Variants in HIVEP1 observed in about 807,000 individuals in gnomAD.
The protein encoded by HIVEP1 is zinc finger protein 40.
In HIVEP1, 36 loss-of-function variants were observed where a neutral mutation model predicts 180.0. The ratio of observed to expected loss-of-function variants is 0.20; its 90% confidence interval spans 0.15 to 0.26. HIVEP1 has a LOEUF of 0.26. Ranked by LOEUF, HIVEP1 falls within the 10% of genes least tolerant of loss-of-function variation. The pLI, the probability that HIVEP1 is intolerant of heterozygous loss-of-function variation, is 1.00. For synonymous variants in HIVEP1, 1,239 were observed against 1,239.0 expected (o/e 1.00, Z 0.00); for missense variants, 3,143 against 3,268.7 (o/e 0.96, Z 0.94).
At chr6:12,031,375 T>C (rs1400784695) in intron 2 of HIVEP1, among the ~76,000 whole-genome samples, 1 of 152,188 alleles carries the variant, frequency 6.6e-6, no homozygotes, top group Non-Finnish European at 1.5e-5. Context: ...TGTGGAGAGT[T>C]TACCCAGCAC....
intron 2 of HIVEP1, among the ~76,000 whole-genome samples, chr6:12,029,509 TC>T (rs1290743606): frequency 6.6e-6 from 1 of 152,238 alleles, no homozygotes; most frequent in Non-Finnish European, 1.5e-5. Flanking sequence ...CCTCTGTACT[TC>T]CTTAATTGCC....
intron 2 of HIVEP1, among the ~76,000 whole-genome samples, chr6:12,080,040 G>T (rs138584461): frequency 1.3e-5 from 2 of 151,964 alleles, no homozygotes; most frequent in East Asian, 3.9e-4. Flanking sequence ...ATTAATAAAT[G>T]AGTTAAATCT....
intron 7 of HIVEP1, among the ~76,000 whole-genome samples, chr6:12,145,702 A>G (rs1428017528): frequency 1.3e-5 from 2 of 151,966 alleles, no homozygotes; most frequent in Non-Finnish European, 2.9e-5. Flanking sequence ...TACGCCCTTT[A>G]TTCTGTTTTC....
chr6:12,106,503 CGAA>C (rs1165111385), intron 3 of HIVEP1, among the ~76,000 whole-genome samples: 6 of 151,924 alleles, frequency 3.9e-5, no homozygotes, highest in Middle Eastern at 6.8e-3. Flanking sequence ...TAATATTAGT[CGAA>C]GAATATTTTC....
chr6:12,085,496 T>C (rs1439906738), intron 2 of HIVEP1, among the ~76,000 whole-genome samples: 1 of 152,172 alleles, frequency 6.6e-6, no homozygotes, highest in African/African-American at 2.4e-5. Context: ...CAAATTGATA[T>C]TAAAATGATT....
downstream of HIVEP1, among the ~76,000 whole-genome samples, chr6:12,168,055 GTA>G (rs1760781282): frequency 1.2e-4 from 1 of 8,384 alleles, no homozygotes; most frequent in Admixed American, 1.5e-3. Context: ...ATACATATGT[GTA>G]TATATACATA....
Position 12,125,808 on chromosome 6 carries a change from A to G in HIVEP1, c.6013A>G (p.Thr2005Ala), listed in dbSNP as rs1561978375. ...AAAATCACTATACTGTCAAGCAATA[A>G]CTACCCATTCCAAGTCAGACTTATT... is the stretch of plus-strand genomic sequence containing the variant. Reference protein sequence around the residue: ...TGKSLYCQAITTHSKSDLLVY... With the variant: ...TGKSLYCQAIATHSKSDLLVY... The change falls in exon 4 of 9, where the codon ACT becomes GCT. Residue 2005 changes from threonine (T) to alanine (A), a missense_variant. Thr to Ala is a moderately conservative substitution (Grantham distance 58). This residue lies in a region of HIVEP1 where 1,357 missense variants were observed against 1,260.5 expected (regional missense o/e 1.08). Coordinates refer to ENST00000379388, the MANE Select transcript of HIVEP1 (RefSeq NM_002114.4). 1.2e-6 allele frequency: 2 copies of G among 1,613,852 alleles called. No individual in the cohort carries two copies.
intron 2 of HIVEP1, among the ~76,000 whole-genome samples, chr6:12,050,270 C>T (rs2113713059): frequency 6.6e-6 from 1 of 152,294 alleles, no homozygotes; most frequent in African/African-American, 2.4e-5. Context: ...TTCATGCCTG[C>T]CACACATGGG....
chr6:12,066,510 T>G (rs544810253), intron 2 of HIVEP1, among the ~76,000 whole-genome samples: 109 of 152,368 alleles, frequency 7.2e-4, no homozygotes, highest in African/African-American at 2.5e-3. Context: ...TCCATACATA[T>G]GAAGTTACAA....
intron 3 of HIVEP1, among the ~76,000 whole-genome samples, chr6:12,118,684 AT>A (rs200881108): frequency 1.3e-5 from 2 of 152,134 alleles, no homozygotes; most frequent in African/African-American, 2.4e-5. Flanking sequence ...TAAAGTGGTG[AT>A]TTTTTTTAAA....
At chr6:12,117,465 G>A (rs1437374116) in intron 3 of HIVEP1, among the ~76,000 whole-genome samples, 2 of 152,130 alleles carry the variant, frequency 1.3e-5, no homozygotes, top group Admixed American at 6.5e-5. Flanking sequence ...TGGATCTTAA[G>A]TTTAGCAATT....
At chr6:12,081,911 G>C (rs574213623) in intron 2 of HIVEP1, among the ~76,000 whole-genome samples, 1 of 151,896 alleles carries the variant, frequency 6.6e-6, no homozygotes, top group South Asian at 2.1e-4. Context: ...TGCATGCTTC[G>C]GGAAACACCA....
At chr6:12,014,192 G>C (rs909267684) in intron 1 of HIVEP1, among the ~76,000 whole-genome samples, 1 of 152,170 alleles carries the variant, frequency 6.6e-6, no homozygotes, top group African/African-American at 2.4e-5. Context: ...ACAGTAAGGG[G>C]TAAAGCCTGG....
Position 12,120,362 on chromosome 6 carries a change from C to T in HIVEP1, c.567C>T (p.Pro189=), listed in dbSNP as rs376837340. The change falls in exon 4 of 9, where the codon CCC becomes CCT. Residue 189 remains proline, a synonymous_variant. Transcript: ENST00000379388. ...CISSHCGTTS[P]SYTNTAFDVL... Reference sequence around the variant, plus strand: ...CTTCTCATTGTGGCACTACGTCCCCCTCCTATACAAACACTGCATTCGATG... The same window carrying T: ...CTTCTCATTGTGGCACTACGTCCCCTTCCTATACAAACACTGCATTCGATG... 5 of 1,614,164 alleles carry T rather than the reference C, an allele frequency of 3.1e-6. No homozygotes were observed. In the African/African-American group the frequency reaches 5.3e-5, roughly 17 times the overall value.
intron 7 of HIVEP1, among the ~76,000 whole-genome samples, chr6:12,138,872 T>G (rs1041483252): frequency 6.6e-6 from 1 of 151,890 alleles, no homozygotes; most frequent in Admixed American, 6.6e-5. Flanking sequence ...CCAAAAATCT[T>G]GAAGTCATCC....
chr6:12,158,797 TCTC>T (rs1255222437), intron 7 of HIVEP1, among the ~76,000 whole-genome samples: 4 of 152,112 alleles, frequency 2.6e-5, no homozygotes, highest in African/African-American at 7.2e-5. Flanking sequence ...GTGCCGCCCT[TCTC>T]CTCACAGGAT....
In HIVEP1 at chr6:12,163,709, A is replaced by G. The variant is rs373208541; in HGVS notation, c.7405A>G (p.Ile2469Val). ...ELSSVVPCIP[I>V]GQIRVPGLQN... ...AAGCAGTGTTGTGCCATGTATTCCT[A>G]TCGGCCAAATCCGCGTGCCAGGCCT... The change falls in exon 9 of 9, where the codon ATC becomes GTC. Residue 2469 changes from isoleucine to valine, a missense_variant. This residue lies in a region of HIVEP1 where 595 missense variants were observed against 602.2 expected (regional missense o/e 0.99). Coordinates refer to ENST00000379388, the MANE Select transcript of HIVEP1 (RefSeq NM_002114.4). 6 of 1,614,126 alleles carry G rather than the reference A, an allele frequency of 3.7e-6. No individual in the cohort carries two copies. Among genetic ancestry groups the G allele is most frequent in the Non-Finnish European group, 5.1e-6 (6 of 1,180,028 alleles).
At chr6:12,086,272 A>G (rs531066584) in intron 2 of HIVEP1, among the ~76,000 whole-genome samples, 1 of 152,272 alleles carries the variant, frequency 6.6e-6, no homozygotes, top group African/African-American at 2.4e-5. Flanking sequence ...TTAATGTAAA[A>G]ATTGAATGAA....
chr6:12,202,882 T>G, the HIVEP1 span, among the ~76,000 whole-genome samples: 1 of 152,166 alleles, frequency 6.6e-6, no homozygotes, highest in Non-Finnish European at 1.5e-5. Flanking sequence ...AATTCCCTCT[T>G]CTTTCAATTG....
Sources: gnomAD v4.1 joint callset for allele counts (sites outside exome capture counted in the v4.1 genomes callset) on GRCh38, gnomAD v4.1.1 for gene constraint, gnomAD v4.1.1 regional missense constraint, MANE v1.5 for transcripts, NCBI Gene and HGNC (gene_info 2026-07-23, HGNC 2026-07-21) for gene names.